TBXAS1: variants seen among roughly 807,000 people sequenced by gnomAD.
TBXAS1 encodes the protein thromboxane-A synthase.
A neutral mutation model predicts 60.7 loss-of-function variants in TBXAS1; 48 were observed. That is an observed-to-expected ratio of 0.79 (90% confidence interval 0.63 to 1.01). TBXAS1 has a LOEUF of 1.01. Among genes scored for constraint, TBXAS1 ranks in the 50% least tolerant of loss-of-function variants. The probability of loss-of-function intolerance (pLI) is 0.00; values close to 1 mark genes in which losing one functional copy is unlikely to be tolerated. For missense variants in TBXAS1, 685 were observed against 686.3 expected, an observed-to-expected ratio of 1.00 and a Z score of 0.02; for synonymous variants, 287 against 269.7, an observed-to-expected ratio of 1.06 and a Z score of -0.63.
chr7:139,949,372 A>G (rs1193700763), intron 5 of TBXAS1, among the ~76,000 whole-genome samples: 3 of 152,238 alleles, frequency 2.0e-5, no homozygotes, highest in Non-Finnish European at 4.4e-5. Context: ...TATTCCTCTG[A>G]AGTAAATTTA....
At chr7:139,877,504 C>T (rs1802335523) in intron 3 of TBXAS1, among the ~76,000 whole-genome samples, 1 of 134,832 alleles carries the variant, frequency 7.4e-6, no homozygotes, top group Non-Finnish European at 1.6e-5. Flanking sequence ...CTCACTGCAA[C>T]CTCTGCCTCC....
chr7:139,826,133 C>T (rs1366891198), upstream of TBXAS1, among the ~76,000 whole-genome samples: 1 of 152,208 alleles, frequency 6.6e-6, no homozygotes, highest in African/African-American at 2.4e-5. Context: ...ATGCCACCCC[C>T]TCCATGCTGC....
At chr7:139,889,055 G>A (rs1171961382) in intron 3 of TBXAS1, among the ~76,000 whole-genome samples, 3 of 152,094 alleles carry the variant, frequency 2.0e-5, no homozygotes, top group African/African-American at 4.8e-5. Context: ...TGTAGTGGCC[G>A]GGTGTGGTGA....
chr7:139,978,278 T>C (rs928854910), intron 9 of TBXAS1, among the ~76,000 whole-genome samples: 1 of 149,492 alleles, frequency 6.7e-6, no homozygotes, highest in African/African-American at 2.5e-5. Flanking sequence ...GGAGGCAGAG[T>C]TCAGGTGGAT....
chr7:139,909,915 A>ACGGTTC (rs1425175665), intron 3 of TBXAS1, among the ~76,000 whole-genome samples: 5 of 152,158 alleles, frequency 3.3e-5, no homozygotes, highest in African/African-American at 4.8e-5. Context: ...TCCGGCACTC[A>ACGGTTC]CGGTTCCCCC....
At chr7:140,000,734 G>A (rs1012828381) in intron 9 of TBXAS1, among the ~76,000 whole-genome samples, 1 of 152,128 alleles carries the variant, frequency 6.6e-6, no homozygotes, top group East Asian at 1.9e-4. Flanking sequence ...TCTAAGAGCA[G>A]TTATTTTATA....
intron 3 of TBXAS1, among the ~76,000 whole-genome samples, chr7:139,877,728 C>CTTTT (rs902893678): frequency 1.1e-4 from 11 of 97,686 alleles, no homozygotes; most frequent in Non-Finnish European, 2.3e-4. Flanking sequence ...CAGTCTATTG[C>CTTTT]TTTTTTTTTT....
At position 140,007,142 on chromosome 7, in the gene TBXAS1, G is replaced by A; in HGVS notation, c.1186G>A (p.Val396Met). 2 of 1,614,214 alleles carry A rather than the reference G, an allele frequency of 1.2e-6. No individual in the cohort carries two copies. The highest frequency in any genetic ancestry group is 8.5e-7 in the Non-Finnish European group (1 of 1,180,048). ...GGAAGGCCTGCCCTATCTGGACATG[G>A]TGATTGCAGAGACGCTGAGGATGTA... ...LEEGLPYLDMVIAETLRMYPP... is the reference protein window; with the variant it reads ...LEEGLPYLDMMIAETLRMYPP... The change falls in exon 10 of 13, where the codon GTG (valine) becomes ATG (methionine). Residue 396 changes from valine (V) to methionine (M), a missense_variant. Coordinates refer to ENST00000448866, the MANE Select transcript of TBXAS1 (RefSeq NM_001061.7).
At chr7:139,911,190 G>A (rs1264410177) in intron 3 of TBXAS1, 35 bp from the exon 4 acceptor site, 4 of 1,580,700 alleles carry the variant, frequency 2.5e-6, no homozygotes, top group Non-Finnish European at 2.6e-6. Context: ...AATGGGTAAT[G>A]CAACACATTT....
At chr7:139,863,360 G>C (rs1801105546) in intron 1 of TBXAS1, among the ~76,000 whole-genome samples, 1 of 152,124 alleles carries the variant, frequency 6.6e-6, no homozygotes, top group South Asian at 2.1e-4. Context: ...TTATTGAGTA[G>C]TCTTCTATTT....
Position 139,857,249 on chromosome 7 carries a change from A to C in TBXAS1, c.90-14986A>C, listed in dbSNP as rs189598902. The stretch of plus-strand genomic sequence containing the variant: ...CCCCTGACACATAAGGAATTCAAGG[A>C]CCAGATACAAGAGGCTGCTTTTTAC... On this transcript the variant is annotated intron_variant, in intron 1 of 12. Coordinates refer to ENST00000448866, the MANE Select transcript of TBXAS1 (RefSeq NM_001061.7). 1.0e-3 allele frequency among the ~76,000 whole-genome samples: 158 copies of C among 152,350 alleles called. 1 individual carries two copies. Among genetic ancestry groups the C allele is most frequent in the African/African-American group, 3.7e-3 (154 of 41,586 alleles).
At chr7:139,905,073 C>CTCTCTCTCTCTT (rs1554487253) in intron 3 of TBXAS1, among the ~76,000 whole-genome samples, 1 of 102,552 alleles carries the variant, frequency 9.8e-6, no homozygotes, top group African/African-American at 4.8e-5. Flanking sequence ...CTCTCTCTCT[C>CTCTCTCTCTCTT]TCTTTCTCTT....
intron 1 of TBXAS1, among the ~76,000 whole-genome samples, chr7:139,841,481 C>CT (rs1799444425): frequency 1.1e-5 from 1 of 93,686 alleles, no homozygotes; most frequent in African/African-American, 5.4e-5. Flanking sequence ...CATCTATTTC[C>CT]CTTTTTTTTT....
At chr7:139,933,442 A>C (rs1807493029) in intron 4 of TBXAS1, among the ~76,000 whole-genome samples, 1 of 152,184 alleles carries the variant, frequency 6.6e-6, no homozygotes, top group Non-Finnish European at 1.5e-5. Context: ...CTACATAAAT[A>C]CACATAATAT....
In TBXAS1 at chr7:139,947,153, T is replaced by TA. The variant is rs528623116; in HGVS notation, c.451-6205dup. Among the ~76,000 whole-genome samples the TA allele has an allele frequency of 1.5e-3, 215 of 146,866 alleles. 1 individual carries two copies. The highest frequency in any genetic ancestry group is 4.7e-3 in the African/African-American group (187 of 40,158). ...CAGACACAGTTGGTAGAAAATCCAT[T>TA]AAAAAAAAAACTGGTGCCCATCAAT... On this transcript the variant is annotated intron_variant, in intron 5 of 12. Coordinates refer to ENST00000448866, the MANE Select transcript of TBXAS1 (RefSeq NM_001061.7).
At chr7:140,016,583 T>A (rs1815093840) in intron 11 of TBXAS1, 1 of 165,056 alleles carries the variant, frequency 6.1e-6, no homozygotes, top group Admixed American at 6.5e-5. Flanking sequence ...AACAACAGCT[T>A]CAGCTGATGT....
At chr7:139,812,882 C>A (rs1374414355) in intron 4 of TBXAS1, among the ~76,000 whole-genome samples, 1 of 151,956 alleles carries the variant, frequency 6.6e-6, no homozygotes, top group Non-Finnish European at 1.5e-5. Flanking sequence ...CATGGCAAAA[C>A]CCGGTCTCTA....
intron 3 of TBXAS1, among the ~76,000 whole-genome samples, chr7:139,905,046 TC>T (rs1245725797): frequency 1.1e-5 from 1 of 90,918 alleles, no homozygotes; most frequent in Non-Finnish European, 2.1e-5. Context: ...TTTCTTTCTT[TC>T]TTTCTTTCTT....
intron 9 of TBXAS1, among the ~76,000 whole-genome samples, chr7:139,996,446 C>T (rs1030413888): frequency 2.0e-5 from 3 of 152,126 alleles, no homozygotes; most frequent in Non-Finnish European, 4.4e-5. Context: ...CCCGTCTGTG[C>T]GATACCATCT....
Sources: gnomAD v4.1 joint callset for allele counts (sites outside exome capture counted in the v4.1 genomes callset) on GRCh38, gnomAD v4.1.1 for gene constraint, MANE v1.5 for transcripts, NCBI Gene and HGNC (gene_info 2026-07-23, HGNC 2026-07-21) for gene names.